The following NOX4 variants were observed in gnomAD, a reference collection of about 807,000 sequenced individuals.
NOX4 encodes the protein kidney oxidase-1.
In NOX4, 69 loss-of-function variants were observed where a neutral mutation model predicts 87.6. The observed-to-expected ratio is 0.79, with a 90% confidence interval of 0.65 to 0.96. The LOEUF (loss-of-function observed/expected upper bound fraction) is 0.96, where lower values mean the gene tolerates loss of function less well. Ranked by LOEUF, NOX4 falls within the 40% of genes least tolerant of loss-of-function variation. NOX4 has a pLI of 0.00. For missense variants in NOX4, 680 were observed against 681.5 expected, an observed-to-expected ratio of 1.00 and a Z score of 0.02; for synonymous variants, 275 against 238.2, an observed-to-expected ratio of 1.15 and a Z score of -1.42.
intron 17 of NOX4, among the ~76,000 whole-genome samples, chr11:89,334,545 A>G (rs1315926611): frequency 6.6e-6 from 1 of 151,780 alleles, no homozygotes; most frequent in Non-Finnish European, 1.5e-5. Context: ...ATCATCTTGA[A>G]TCAGTGATTT....
the NOX4 span, among the ~76,000 whole-genome samples, chr11:89,519,406 G>C: frequency 6.6e-6 from 1 of 151,942 alleles, no homozygotes; most frequent in African/African-American, 2.4e-5. Context: ...TTATAGTTTT[G>C]AACAGAAGAT....
At chr11:89,373,277 C>CAAA (rs144113376) in intron 12 of NOX4, among the ~76,000 whole-genome samples, 155 bp downstream of exon 12, 49 of 59,080 alleles carry the variant, frequency 8.3e-4, no homozygotes, top group East Asian at 1.8e-3. Context: ...ACTGTACAAG[C>CAAA]AAAAAAAAAA....
In NOX4 at chr11:89,342,095, G is replaced by A; in HGVS notation, c.1316C>T (p.Ala439Val). The change falls in exon 14 of 18, where the codon GCA (alanine) becomes GTA (valine). Residue 439 changes from alanine to valine, a missense_variant. Transcript: ENST00000263317. Reference protein sequence around the residue: ...VAGGIGVTPFASILNTLLDDW... With the variant: ...VAGGIGVTPFVSILNTLLDDW... ...ATACAACAGGGTGTTGAGTATTGAT[G>A]CAAATGGAGTTACTCCAATGCCTCC... is the stretch of plus-strand genomic sequence containing the variant. 6.2e-7 allele frequency: 1 copy of A among 1,613,148 alleles called. No homozygotes were observed. The highest frequency in any genetic ancestry group is 1.3e-5 in the African/African-American group (1 of 75,016).
chr11:89,397,996 C>T (rs1345174920), intron 11 of NOX4, among the ~76,000 whole-genome samples: 1 of 151,866 alleles, frequency 6.6e-6, no homozygotes, highest in Admixed American at 6.6e-5. Flanking sequence ...TACCAAAGCC[C>T]GGTAGAGACA....
At chr11:89,448,897 T>A (rs1048482263) in intron 4 of NOX4, among the ~76,000 whole-genome samples, 2 of 152,014 alleles carry the variant, frequency 1.3e-5, no homozygotes. Context: ...AAATAAAAAA[T>A]AAAATGTTCA....
intron 2 of NOX4, among the ~76,000 whole-genome samples, chr11:89,455,405 C>A (rs1438789805): frequency 1.3e-5 from 2 of 152,052 alleles, no homozygotes; most frequent in Admixed American, 6.6e-5. Context: ...TCTTTTCCTG[C>A]ACCCAGGTAG....
intron 6 of NOX4, among the ~76,000 whole-genome samples, chr11:89,436,275 A>C (rs12362895): frequency 0.01 from 1,544 of 152,296 alleles, 12 homozygotes; most frequent in Admixed American, 0.023. Flanking sequence ...CTTTCAGGGC[A>C]CATCAAAGGG....
rs574736004 is a variant in NOX4, at chr11:89,376,464, A to ATACAAGTATTGATATCT, written c.1075-2989_1075-2973dup. ...GAAAACATCTCAAAGGGAAGAAATAATACAAGTATTGATATCTACAGCTCT... is the reference window on the plus strand; with the variant it reads ...GAAAACATCTCAAAGGGAAGAAATAATACAAGTATTGATATCTTACAAGTATTGATATCTACAGCTCT... On this transcript the variant is annotated intron_variant, in intron 11 of 17. Transcript: ENST00000263317. 4.2e-4 allele frequency among the ~76,000 whole-genome samples: 64 copies of ATACAAGTATTGATATCT among 152,362 alleles called. No homozygotes were observed. In the East Asian group the frequency reaches 8.1e-3, roughly 19 times the overall value.
chr11:89,482,731 T>G (rs761742170), intron 2 of NOX4, among the ~76,000 whole-genome samples: 4 of 152,108 alleles, frequency 2.6e-5, no homozygotes, highest in Non-Finnish European at 5.9e-5. Context: ...ATAATGCATA[T>G]ATGCTTGAAT....
intron 12 of NOX4, among the ~76,000 whole-genome samples, chr11:89,361,867 C>T (rs1191679621): frequency 6.6e-6 from 1 of 151,928 alleles, no homozygotes; most frequent in African/African-American, 2.4e-5. Context: ...AACTTGTTGC[C>T]CAGCTGTGGA....
At chr11:89,369,108 G>T (rs4127488) in intron 12 of NOX4, among the ~76,000 whole-genome samples, 1 of 151,932 alleles carries the variant, frequency 6.6e-6, no homozygotes, top group African/African-American at 2.4e-5. Context: ...TCAGGGCTCT[G>T]TTCAGAGAGC....
intron 11 of NOX4, among the ~76,000 whole-genome samples, chr11:89,396,021 T>C (rs542115279): frequency 6.6e-6 from 1 of 152,290 alleles, no homozygotes; most frequent in South Asian, 2.1e-4. Context: ...TTTAAAGTAG[T>C]TTTTTCCAAT....
intron 8 of NOX4, among the ~76,000 whole-genome samples, chr11:89,413,935 G>A (rs973806694): frequency 6.6e-6 from 1 of 151,870 alleles, no homozygotes; most frequent in African/African-American, 2.4e-5. Flanking sequence ...AAATAGAAAA[G>A]TTTTTTAAAT....
the NOX4 span, among the ~76,000 whole-genome samples, chr11:89,573,953 G>T: frequency 5.3e-5 from 8 of 152,144 alleles, no homozygotes; most frequent in East Asian, 1.9e-4. Flanking sequence ...CCCTTTTCCG[G>T]TGGAGTCGCC....
the NOX4 span, among the ~76,000 whole-genome samples, chr11:89,573,360 C>A: frequency 1.8e-4 from 27 of 152,230 alleles, no homozygotes; most frequent in African/African-American, 4.1e-4. Flanking sequence ...CACAGTGAAA[C>A]CCTGTCTCTA....
the NOX4 span, chr11:89,577,641 C>T: frequency 6.6e-6 from 1 of 152,146 alleles, no homozygotes; most frequent in African/African-American, 2.4e-5. Context: ...GGATTCAGCT[C>T]CTCTCCAGCT....
At chr11:89,499,122 A>G (rs1946991283), upstream of NOX4, 1 of 151,928 alleles carries the variant, frequency 6.6e-6, no homozygotes, top group South Asian at 2.1e-4. Context: ...ATTTGTAGCT[A>G]GTTATTTTTA....
chr11:89,425,887 AATT>A (rs1457063651), intron 7 of NOX4, among the ~76,000 whole-genome samples: 2 of 152,132 alleles, frequency 1.3e-5, no homozygotes, highest in Non-Finnish European at 2.9e-5. Flanking sequence ...GTTTCTGTTA[AATT>A]TCACATCTGA....
chr11:89,438,604 A>C (rs187525868), intron 6 of NOX4, among the ~76,000 whole-genome samples: 11 of 80,738 alleles, frequency 1.4e-4, no homozygotes, highest in South Asian at 4.3e-4. Flanking sequence ...ATATAATACT[A>C]TATATAATAT....
Sources: gnomAD v4.1 joint callset for allele counts (sites outside exome capture counted in the v4.1 genomes callset) on GRCh38, gnomAD v4.1.1 for gene constraint, MANE v1.5 for transcripts, NCBI Gene and HGNC (gene_info 2026-07-23, HGNC 2026-07-21) for gene names.